Variants in RFX4 observed in about 807,000 individuals in gnomAD.
RFX4 encodes the protein transcription factor RFX4.
RFX4 carries 10 observed loss-of-function variants against 95.0 expected under a neutral mutation model. The observed-to-expected ratio is 0.11, with a 90% confidence interval of 0.06 to 0.18. The LOEUF (loss-of-function observed/expected upper bound fraction) is 0.18, where lower values mean the gene tolerates loss of function less well. Among genes scored for constraint, RFX4 ranks in the 10% least tolerant of loss-of-function variants. The pLI, the probability that RFX4 is intolerant of heterozygous loss-of-function variation, is 1.00. For synonymous variants in RFX4, 321 were observed against 340.7 expected (o/e 0.94, Z 0.64); for missense variants, 640 against 922.0 (o/e 0.69, Z 3.96).
chr12:106,646,431 C>CAAAAA (rs56305939), intron 3 of RFX4, among the ~76,000 whole-genome samples: 13 of 66,254 alleles, frequency 2.0e-4, no homozygotes, highest in Non-Finnish European at 2.6e-4. Context: ...TAGTTTTATC[C>CAAAAA]AAAAAAAAAA....
At chr12:106,664,810 ATTG>A (rs2041142999) in intron 4 of RFX4, among the ~76,000 whole-genome samples, 1 of 151,702 alleles carries the variant, frequency 6.6e-6, no homozygotes, top group African/African-American at 2.4e-5. Context: ...GTTATGTAGA[ATTG>A]TTGTTTTATT....
intron 4 of RFX4, among the ~76,000 whole-genome samples, chr12:106,680,140 G>T (rs2041477691): frequency 6.6e-6 from 1 of 152,170 alleles, no homozygotes; most frequent in Non-Finnish European, 1.5e-5. Context: ...TTCCAAAAGT[G>T]GTTTCATGAT....
chr12:106,585,039 G>A (rs987184709), intron 1 of RFX4, among the ~76,000 whole-genome samples: 8 of 152,198 alleles, frequency 5.3e-5, no homozygotes, highest in Admixed American at 4.6e-4. Flanking sequence ...CAAGCGCTGC[G>A]CCCTCACCAC....
intron 7 of RFX4, among the ~76,000 whole-genome samples, chr12:106,691,178 T>C (rs976722361): frequency 1.3e-5 from 2 of 152,222 alleles, no homozygotes; most frequent in Non-Finnish European, 2.9e-5. Flanking sequence ...TTCCTCATCC[T>C]AGAAATGAAG....
Position 106,654,278 on chromosome 12 carries a change from C to T in RFX4, c.242C>T (p.Ala81Val), listed in dbSNP as rs1565966084. ...IAEGVCIPRS[A>V]LYMHYLDFCE... ...GAGGGGGTCTGCATCCCTCGCAGTG[C>T]CCTCTATATGCATTACCTGGATTTC... is the stretch of plus-strand genomic sequence containing the variant. The change falls in exon 4 of 18, where the codon GCC (alanine) becomes GTC (valine). Residue 81 changes from alanine (A) to valine (V), a missense_variant. Ala to Val is a moderately conservative substitution (Grantham distance 64). Around this residue, in one of 7 missense-constraint regions of RFX4, gnomAD observed 89 missense variants for 173.8 expected, o/e 0.51. Coordinates refer to ENST00000392842, the MANE Select transcript of RFX4 (RefSeq NM_213594.3). 6.2e-7 allele frequency: 1 copy of T among 1,613,938 alleles called. No homozygotes were observed. Among genetic ancestry groups the T allele is most frequent in the East Asian group, 2.2e-5 (1 of 44,888 alleles).
chr12:106,674,091 T>A (rs972067107), intron 4 of RFX4, among the ~76,000 whole-genome samples: 1 of 151,926 alleles, frequency 6.6e-6, no homozygotes, highest in Non-Finnish European at 1.5e-5. Flanking sequence ...AGACCTCTCC[T>A]CCTGCCACTC....
At chr12:106,660,953 C>T (rs1167259775) in intron 4 of RFX4, among the ~76,000 whole-genome samples, 1 of 152,158 alleles carries the variant, frequency 6.6e-6, no homozygotes, top group Non-Finnish European at 1.5e-5. Context: ...AATTGTCTTC[C>T]ATGAAACCAG....
chr12:106,714,169 G>A (rs920444687), intron 10 of RFX4, among the ~76,000 whole-genome samples: 1 of 148,094 alleles, frequency 6.8e-6, no homozygotes, highest in Non-Finnish European at 1.5e-5. Flanking sequence ...AGCTCACAAC[G>A]CATCTCTGAA....
chr12:106,740,977 GTGTATA>G (rs2042794425), intron 15 of RFX4, among the ~76,000 whole-genome samples: 1 of 152,200 alleles, frequency 6.6e-6, no homozygotes, highest in African/African-American at 2.4e-5. Flanking sequence ...ACTGACAAAT[GTGTATA>G]ATAAATAAGG....
chr12:106,585,381 C>T (rs1233015315), intron 1 of RFX4, among the ~76,000 whole-genome samples: 1 of 152,232 alleles, frequency 6.6e-6, no homozygotes, highest in African/African-American at 2.4e-5. Context: ...CCATCCACTT[C>T]TCTCCCTTTT....
chr12:106,693,180 CT>C, intron 7 of RFX4: 2 of 364,598 alleles, frequency 5.5e-6, no homozygotes, highest in East Asian at 9.5e-5. Flanking sequence ...ATTCTCCCTC[CT>C]TCCTTTTCCT....
intron 1 of RFX4, among the ~76,000 whole-genome samples, chr12:106,588,673 A>G (rs1037037716): frequency 5.9e-5 from 9 of 152,034 alleles, no homozygotes; most frequent in African/African-American, 2.2e-4. Flanking sequence ...GGTTTGCACA[A>G]CCCGCAATTA....
At chr12:106,700,659 G>T (rs1157211465) in intron 8 of RFX4, among the ~76,000 whole-genome samples, 1 of 151,494 alleles carries the variant, frequency 6.6e-6, no homozygotes, top group Non-Finnish European at 1.5e-5. Flanking sequence ...GCCCGCCTCG[G>T]CCTCCCAAAG....
At chr12:106,628,351 C>CT (rs1197177206) in intron 2 of RFX4, among the ~76,000 whole-genome samples, 5 of 152,152 alleles carry the variant, frequency 3.3e-5, no homozygotes, top group Non-Finnish European at 1.5e-5. Flanking sequence ...CTCACCAGCA[C>CT]TTAACATAGT....
intron 17 of RFX4, among the ~76,000 whole-genome samples, chr12:106,753,127 C>T (rs2043039814): frequency 6.6e-6 from 1 of 152,144 alleles, no homozygotes. Context: ...CACATCATTG[C>T]TTTCCAGGAC....
chr12:106,675,888 G>A (rs1487831558), intron 4 of RFX4, among the ~76,000 whole-genome samples: 3 of 152,182 alleles, frequency 2.0e-5, no homozygotes, highest in Admixed American at 1.3e-4. Flanking sequence ...GGGAGAGGAC[G>A]GGGAGAGGTA....
intron 1 of RFX4, among the ~76,000 whole-genome samples, chr12:106,590,804 G>A (rs934176426): frequency 2.6e-5 from 4 of 151,946 alleles, no homozygotes; most frequent in Admixed American, 6.6e-5. Flanking sequence ...AAAATTAGAC[G>A]GACATGGTGG....
intron 1 of RFX4, chr12:106,583,751 AT>A (rs2039410541): frequency 6.1e-6 from 1 of 162,828 alleles, no homozygotes; most frequent in Non-Finnish European, 1.3e-5. Context: ...GGGCCTCGGA[AT>A]AGCGGTGCGC....
At chr12:106,587,267 C>T (rs1020030622) in intron 1 of RFX4, among the ~76,000 whole-genome samples, 5 of 152,280 alleles carry the variant, frequency 3.3e-5, no homozygotes, top group African/African-American at 1.2e-4. Flanking sequence ...GCGCCTCGGG[C>T]CTGGGATTTC....
Sources: gnomAD v4.1 joint callset for allele counts (sites outside exome capture counted in the v4.1 genomes callset) on GRCh38, gnomAD v4.1.1 for gene constraint, gnomAD v4.1.1 regional missense constraint, MANE v1.5 for transcripts, NCBI Gene and HGNC (gene_info 2026-07-23, HGNC 2026-07-21) for gene names.